LRRC7: variants seen among roughly 807,000 people sequenced by gnomAD.
The protein encoded by LRRC7 is leucine rich repeat containing 7.
LRRC7 carries 23 observed loss-of-function variants against 175.7 expected under a neutral mutation model. The observed-to-expected ratio is 0.13, with a 90% CI of 0.09 to 0.19. LRRC7 has a LOEUF of 0.19. LRRC7 is among the 10% of genes least tolerant of loss of function. The probability of loss-of-function intolerance (pLI) is 1.00; values close to 1 mark genes in which losing one functional copy is unlikely to be tolerated. For missense variants in LRRC7, 1,354 were observed against 1,904.7 expected (o/e 0.71, Z 5.38); for synonymous variants, 685 against 680.9 (o/e 1.01, Z -0.09).
At chr1:69,691,576 T>A (rs181830358) in intron 2 of LRRC7, among the ~76,000 whole-genome samples, 1 of 152,052 alleles carries the variant, frequency 6.6e-6, no homozygotes, top group Admixed American at 6.5e-5. Flanking sequence ...GCCAGGTGGA[T>A]CGCTTAAGCT....
rs1192000017 is a variant in LRRC7 at position 70,127,302 on chromosome 1, G to A, written c.*5415G>A. On this transcript the variant is annotated 3_prime_UTR_variant, in exon 27 of 27. Coordinates refer to ENST00000651989, the MANE Select transcript of LRRC7 (RefSeq NM_001370785.2). ...CTTACTTTCAACACTGCCTGCAAGA[G>A]AATGGTTTGGAAACACTCCCTGGTA... Among the ~76,000 whole-genome samples the A allele has an allele frequency of 6.6e-6, 1 of 152,194 alleles. No individual in the cohort carries two copies. Among genetic ancestry groups the A allele is most frequent in the Non-Finnish European group, 1.5e-5 (1 of 68,034 alleles).
intron 1 of LRRC7, among the ~76,000 whole-genome samples, chr1:69,627,870 AG>A (rs1409582117): frequency 6.6e-6 from 1 of 151,598 alleles, no homozygotes; most frequent in African/African-American, 2.4e-5. Context: ...TGTAAGATAA[AG>A]ATCTAACTCC....
At chr1:70,119,094 T>C (rs1666048194) in intron 26 of LRRC7, among the ~76,000 whole-genome samples, 1 of 152,056 alleles carries the variant, frequency 6.6e-6, no homozygotes, top group Non-Finnish European at 1.5e-5. Flanking sequence ...TGAACCATTT[T>C]TGAACGCTTT....
At chr1:69,628,293 GAAAGTCAACACAC>G (rs1651929830) in intron 1 of LRRC7, among the ~76,000 whole-genome samples, 1 of 152,098 alleles carries the variant, frequency 6.6e-6, no homozygotes, top group African/African-American at 2.4e-5. Flanking sequence ...TCATAGGATA[GAAAGTCAACACAC>G]AAAAGTCAGT....
intron 7 of LRRC7, among the ~76,000 whole-genome samples, chr1:69,851,757 T>C (rs1683017065): frequency 6.6e-6 from 1 of 152,158 alleles, no homozygotes; most frequent in African/African-American, 2.4e-5. Flanking sequence ...CTGGCGGTGT[T>C]GACCACCTAT....
intron 4 of LRRC7, among the ~76,000 whole-genome samples, chr1:69,806,014 A>G (rs1234107598): frequency 6.6e-6 from 1 of 151,880 alleles, no homozygotes; most frequent in Admixed American, 6.6e-5. Flanking sequence ...AGATCCTTAA[A>G]AAAAAATTAA....
chr1:70,067,624 T>G (rs1662074690), intron 23 of LRRC7, among the ~76,000 whole-genome samples: 1 of 152,102 alleles, frequency 6.6e-6, no homozygotes, highest in South Asian at 2.1e-4. Flanking sequence ...TTCATTGTCT[T>G]TCTGAATTTT....
rs532846121 is a variant in LRRC7 at position 70,125,392 on chromosome 1, T to G, written c.*3505T>G. Among the ~76,000 whole-genome samples the G allele has an allele frequency of 6.6e-6, 1 of 152,306 alleles. No homozygotes were observed. Among genetic ancestry groups the G allele is most frequent in the South Asian group, 2.1e-4 (1 of 4,824 alleles). ...ATGGAAAACAGCTTTGAGGAGAGAC[T>G]GACAAGCCAATGTTAATTTGCTCTT... On this transcript the variant is annotated 3_prime_UTR_variant, in exon 27 of 27. Coordinates refer to ENST00000651989, the MANE Select transcript of LRRC7 (RefSeq NM_001370785.2).
At chr1:69,581,981 A>G (rs1450716278) in intron 1 of LRRC7, among the ~76,000 whole-genome samples, 1 of 152,136 alleles carries the variant, frequency 6.6e-6, no homozygotes, top group Admixed American at 6.5e-5. Context: ...GTTGCTACCA[A>G]GGGATCCATG....
chr1:70,126,654 G>A lies in LRRC7; in HGVS notation c.*4767G>A, dbSNP rs1311491972. 6.6e-6 allele frequency among the ~76,000 whole-genome samples: 1 copy of A among 152,152 alleles called. No homozygotes were observed. The highest frequency in any genetic ancestry group is 2.4e-5 in the African/African-American group (1 of 41,432). On this transcript the variant is annotated 3_prime_UTR_variant, in exon 27 of 27. Transcript: ENST00000651989. ...ACATTATAGCAAGAAAACAGAATGT[G>A]GGCTGTGGACAAATAGATGTGCGCT...
chr1:69,578,183 G>A (rs1270843), intron 1 of LRRC7, among the ~76,000 whole-genome samples: 82,779 of 150,532 alleles, frequency 0.55, 23,783 homozygotes, highest in African/African-American at 0.71. Context: ...CAAAAAACAC[G>A]TGAAAAAATG....
chr1:69,588,972 C>T (rs1646509703), intron 1 of LRRC7, among the ~76,000 whole-genome samples: 1 of 131,160 alleles, frequency 7.6e-6, no homozygotes, highest in South Asian at 2.5e-4. Flanking sequence ...GGTGCTGCTG[C>T]TCCTGCTGGG....
chr1:69,718,216 T>C (rs754565670), intron 2 of LRRC7, among the ~76,000 whole-genome samples: 8 of 142,584 alleles, frequency 5.6e-5, no homozygotes, highest in Non-Finnish European at 1.1e-4. Flanking sequence ...ATGGTAGCAA[T>C]ATGAGACTAG....
chr1:69,581,150 C>T (rs529891220), intron 1 of LRRC7, among the ~76,000 whole-genome samples: 7 of 152,162 alleles, frequency 4.6e-5, no homozygotes, highest in Non-Finnish European at 8.8e-5. Context: ...AGTTGTTTAT[C>T]CTACATTCTG....
chr1:69,717,977 A>AAAAGAAAGAAAG (rs1557642524), intron 2 of LRRC7, among the ~76,000 whole-genome samples: 2 of 48,286 alleles, frequency 4.1e-5, no homozygotes, highest in African/African-American at 8.5e-5. Flanking sequence ...AAGAAAGAGA[A>AAAAGAAAGAAAG]AGAAAGAGGA....
chr1:69,979,913 C>A (rs1441135824), intron 8 of LRRC7, among the ~76,000 whole-genome samples: 1 of 151,784 alleles, frequency 6.6e-6, no homozygotes, highest in Non-Finnish European at 1.5e-5. Context: ...TTCTGTAACC[C>A]CTGTGTGTGC....
intron 7 of LRRC7, among the ~76,000 whole-genome samples, chr1:69,911,580 C>T (rs1646532357): frequency 6.6e-6 from 1 of 152,176 alleles, no homozygotes; most frequent in African/African-American, 2.4e-5. Flanking sequence ...AAATCTTCCT[C>T]ACAATCTCCT....
intron 26 of LRRC7, among the ~76,000 whole-genome samples, chr1:70,108,722 T>A (rs972903181): frequency 3.3e-5 from 5 of 152,160 alleles, no homozygotes; most frequent in African/African-American, 9.7e-5. Context: ...AACATTTAGA[T>A]TCACTGAGAA....
chr1:69,618,487 AG>A (rs1450449054), intron 1 of LRRC7, among the ~76,000 whole-genome samples: 36 of 152,210 alleles, frequency 2.4e-4, no homozygotes, highest in African/African-American at 8.2e-4. Context: ...ATAGTTGGAG[AG>A]GCTATATCCT....
Sources: allele counts gnomAD v4.1 joint callset (sites outside exome capture counted in the v4.1 genomes callset), GRCh38; gene constraint gnomAD v4.1.1; transcripts MANE v1.5; gene names NCBI Gene and HGNC (gene_info 2026-07-23, HGNC 2026-07-21).